ESR1: variants seen among roughly 807,000 people sequenced by gnomAD.
ESR1 encodes the protein estrogen receptor.
ESR1 carries 12 observed loss-of-function variants against 52.7 expected under a neutral mutation model. That is an observed-to-expected ratio of 0.23 (90% CI 0.15 to 0.37). ESR1 has a LOEUF of 0.37. Ranked by LOEUF, ESR1 falls within the 10% of genes least tolerant of loss-of-function variation. The pLI, the probability that ESR1 is intolerant of heterozygous loss-of-function variation, is 1.00. For synonymous variants in ESR1, 305 were observed against 316.8 expected, an observed-to-expected ratio of 0.96 and a Z score of 0.39; for missense variants, 584 against 779.7, an observed-to-expected ratio of 0.75 and a Z score of 2.99.
At chr6:151,721,369 T>A (rs762530400) in intron 2 of ESR1, among the ~76,000 whole-genome samples, 2 of 152,168 alleles carry the variant, frequency 1.3e-5, no homozygotes, top group Non-Finnish European at 2.9e-5. Context: ...TGGTATGAAC[T>A]GTCAGGCTAC....
At chr6:152,025,626 A>G (rs1281002515) in intron 5 of ESR1, among the ~76,000 whole-genome samples, 4 of 151,932 alleles carry the variant, frequency 2.6e-5, no homozygotes, top group Admixed American at 2.6e-4. Context: ...TTCTTTTAGA[A>G]ACTTAGGTCA....
chr6:151,814,799 A>G (rs537794654), intron 1 of ESR1, among the ~76,000 whole-genome samples: 1 of 152,358 alleles, frequency 6.6e-6, no homozygotes, highest in East Asian at 1.9e-4. Context: ...CCAGCAGTTC[A>G]TGCAACAGCA....
chr6:151,657,631 C>T (rs1205789602), intron 1 of ESR1, among the ~76,000 whole-genome samples: 3 of 152,076 alleles, frequency 2.0e-5, no homozygotes, highest in Non-Finnish European at 4.4e-5. Context: ...ATTTTCCAGT[C>T]CCTTAGTTTA....
chr6:151,939,902 C>G (rs2034847938), intron 3 of ESR1, among the ~76,000 whole-genome samples: 1 of 151,720 alleles, frequency 6.6e-6, no homozygotes, highest in South Asian at 2.1e-4. Flanking sequence ...TTTGTTTGTA[C>G]AAAACAAAAA....
At chr6:151,842,544 G>C (rs2128233823) in intron 1 of ESR1, 53 bp from the exon 2 acceptor site, 2 of 1,464,596 alleles carry the variant, frequency 1.4e-6, no homozygotes, top group Non-Finnish European at 9.5e-7. Context: ...CTCCCAGAGA[G>C]TGCATGTTTT....
intron 3 of ESR1, among the ~76,000 whole-genome samples, chr6:151,898,158 T>C (rs902633822): frequency 2.6e-5 from 4 of 152,334 alleles, no homozygotes; most frequent in African/African-American, 9.6e-5. Flanking sequence ...GATAACCTTA[T>C]GACAATGTGC....
upstream of ESR1, among the ~76,000 whole-genome samples, chr6:151,804,151 T>G (rs1179772108): frequency 6.6e-6 from 1 of 152,100 alleles, no homozygotes; most frequent in Non-Finnish European, 1.5e-5. Flanking sequence ...CAGTATACTT[T>G]CCCACCCATG....
At chr6:151,969,098 T>A (rs1271698264) in intron 4 of ESR1, among the ~76,000 whole-genome samples, 1 of 152,068 alleles carries the variant, frequency 6.6e-6, no homozygotes, top group Non-Finnish European at 1.5e-5. Flanking sequence ...ATTAATAAAC[T>A]CTCTTCACAG....
chr6:151,813,652 AT>A (rs375989638), intron 1 of ESR1, among the ~76,000 whole-genome samples: 2 of 152,150 alleles, frequency 1.3e-5, no homozygotes, highest in Non-Finnish European at 2.9e-5. Flanking sequence ...AAGACTGAAA[AT>A]TTTTTGTCTC....
chr6:151,774,873 C>T (rs976466458), intron 2 of ESR1, among the ~76,000 whole-genome samples: 2 of 152,152 alleles, frequency 1.3e-5, no homozygotes, highest in African/African-American at 2.4e-5. Flanking sequence ...ATATAAATAA[C>T]TAACTATAAA....
At chr6:151,868,614 C>T (rs563545424) in intron 2 of ESR1, among the ~76,000 whole-genome samples, 2 of 152,276 alleles carry the variant, frequency 1.3e-5, no homozygotes, top group South Asian at 2.1e-4. Context: ...CCAGCTGCAT[C>T]CACGTTGCTG....
chr6:152,091,865 G>A (rs1020510561), intron 6 of ESR1, among the ~76,000 whole-genome samples: 1 of 152,180 alleles, frequency 6.6e-6, no homozygotes, highest in Non-Finnish European at 1.5e-5. Context: ...GGTGAATGAG[G>A]CCAGCATCCT....
Position 151,976,149 on chromosome 6 carries a change from T to A in ESR1, c.1096+31641T>A, listed in dbSNP as rs931722568. Among the ~76,000 whole-genome samples, 30 of 152,174 alleles carry A rather than the reference T, an allele frequency of 2.0e-4. No individual in the cohort carries two copies. In the South Asian group the frequency reaches 5.8e-3, roughly 29 times the overall value. ...TCTCTTTTGTTTAAGATTTTGTTGT[T>A]TTTTTTTAATGCTCAATAAAAGAAG... On this transcript the variant is annotated intron_variant, in intron 4 of 7. Coordinates refer to ENST00000206249, the MANE Select transcript of ESR1 (RefSeq NM_000125.4).
At chr6:152,064,282 C>T (rs1446650925) in intron 6 of ESR1, among the ~76,000 whole-genome samples, 1 of 152,178 alleles carries the variant, frequency 6.6e-6, no homozygotes, top group African/African-American at 2.4e-5. Context: ...GCAGCAGCTG[C>T]GGAGGAAGGA....
chr6:151,706,795 C>A (rs1582958310), intron 2 of ESR1, among the ~76,000 whole-genome samples: 1 of 152,114 alleles, frequency 6.6e-6, no homozygotes, highest in South Asian at 2.1e-4. Flanking sequence ...ACCTGGAAAC[C>A]TGAAGAAATA....
At chr6:151,768,265 G>A (rs1323503683) in intron 2 of ESR1, among the ~76,000 whole-genome samples, 1 of 152,178 alleles carries the variant, frequency 6.6e-6, no homozygotes, top group Admixed American at 6.5e-5. Flanking sequence ...CTTCTGATAT[G>A]ATACACAAAG....
chr6:151,948,927 A>T (rs559964984), intron 4 of ESR1, among the ~76,000 whole-genome samples: 112 of 152,330 alleles, frequency 7.4e-4, no homozygotes, highest in African/African-American at 2.7e-3. Flanking sequence ...ATTTGAGCTC[A>T]GGAAGTGCTT....
chr6:151,925,895 A>T (rs1033718672), intron 3 of ESR1, among the ~76,000 whole-genome samples: 11 of 151,276 alleles, frequency 7.3e-5, no homozygotes, highest in African/African-American at 2.4e-4. Flanking sequence ...ATCATATAGA[A>T]TTTTTTCTGT....
At chr6:151,990,674 T>C (rs1468301928) in intron 4 of ESR1, among the ~76,000 whole-genome samples, 4 of 152,144 alleles carry the variant, frequency 2.6e-5, no homozygotes, top group Admixed American at 2.6e-4. Flanking sequence ...CTCCCAGTGG[T>C]TACTGTACAT....
Sources: gnomAD v4.1 joint callset for allele counts (sites outside exome capture counted in the v4.1 genomes callset) on GRCh38, gnomAD v4.1.1 for gene constraint, MANE v1.5 for transcripts, NCBI Gene and HGNC (gene_info 2026-07-23, HGNC 2026-07-21) for gene names.